Variants in MIDEAS observed in about 807,000 individuals in gnomAD.
MIDEAS encodes mitotic deacetylase associated SANT domain protein.
In MIDEAS, 26 loss-of-function variants were observed where a neutral mutation model predicts 102.7. The ratio of observed to expected loss-of-function variants is 0.25; its 90% confidence interval spans 0.19 to 0.35. MIDEAS has a LOEUF of 0.35. Ranked by LOEUF, MIDEAS falls within the 10% of genes least tolerant of loss-of-function variation. The pLI is 1.00. For synonymous variants in MIDEAS, 585 were observed against 591.0 expected (o/e 0.99, Z 0.15); for missense variants, 1,231 against 1,435.6 (o/e 0.86, Z 2.30).
Position 73,779,735 on chromosome 14 carries a change from G to A in MIDEAS, c.-248+7367C>T, listed in dbSNP as rs553414307. Among the ~76,000 whole-genome samples, 524 of 143,806 alleles carry A rather than the reference G, an allele frequency of 3.6e-3. 5 individuals are homozygous for A. The highest frequency in any genetic ancestry group is 0.013 in the African/African-American group (507 of 39,280). The allele number at this position is 143,806 out of a possible 152,430, so 94.3% of individuals were successfully genotyped here. On this transcript the variant is annotated intron_variant, in intron 1 of 11. Transcript: ENST00000394071. ...TGGGACTACAGGCGCCCGCCACCGC[G>A]CCCGGCTAATTTTTTGTATTTTTAG...
intron 2 of MIDEAS, among the ~76,000 whole-genome samples, chr14:73,737,756 T>C (rs1292861564): frequency 6.7e-6 from 1 of 148,882 alleles, no homozygotes; most frequent in Non-Finnish European, 1.5e-5. Context: ...TTTCCCTGAC[T>C]ACCTTTTCTC....
intron 1 of MIDEAS, among the ~76,000 whole-genome samples, chr14:73,744,974 C>T (rs192357780): frequency 2.6e-5 from 4 of 152,166 alleles, no homozygotes; most frequent in Non-Finnish European, 4.4e-5. Context: ...GCAGGCTCCA[C>T]GGGGCAGGGT....
At chr14:73,763,716 C>T (rs1447448538), upstream of MIDEAS, among the ~76,000 whole-genome samples, 4 of 152,060 alleles carry the variant, frequency 2.6e-5, no homozygotes, top group Non-Finnish European at 5.9e-5. Context: ...TTGTCGTTTC[C>T]CTCTAGAGAA....
intron 1 of MIDEAS, among the ~76,000 whole-genome samples, chr14:73,786,042 C>T (rs557400212): frequency 6.6e-6 from 1 of 152,320 alleles, no homozygotes; most frequent in East Asian, 1.9e-4. Context: ...TGTGCAATCA[C>T]GCTGTAATTA....
At chr14:73,721,973 C>T (rs2053001948) in intron 10 of MIDEAS, among the ~76,000 whole-genome samples, 1 of 152,198 alleles carries the variant, frequency 6.6e-6, no homozygotes, top group South Asian at 2.1e-4. Flanking sequence ...AAAAATGATG[C>T]TAGGTGGATA....
At position 73,722,762 on chromosome 14, in the gene MIDEAS, G is replaced by A; in HGVS notation, c.2660C>T (p.Thr887Ile). The A allele has an allele frequency of 6.2e-7, 1 of 1,614,148 alleles. No homozygotes were observed. Among genetic ancestry groups the A allele is most frequent in the Non-Finnish European group, 8.5e-7 (1 of 1,180,020 alleles). ...QVKIGRNGTLTFGDVDTSDEK... is the reference protein window; with the variant it reads ...QVKIGRNGTLIFGDVDTSDEK... Reference sequence around the variant, plus strand: ...ATCGCTCGTATCCACATCCCCAAAGGTTAGAGTCCCATTGCGGCCGATTTT... The same window carrying A: ...ATCGCTCGTATCCACATCCCCAAAGATTAGAGTCCCATTGCGGCCGATTTT... The change falls in exon 10 of 13, where the codon ACC becomes ATC. Residue 887 changes from threonine to isoleucine, a missense_variant. By Grantham distance (89) the Thr-to-Ile change is moderately conservative. Transcript: ENST00000423556.
chr14:73,722,910 C>T, intron 9 of MIDEAS, 63 bp from the exon 10 acceptor site: 1 of 1,575,660 alleles, frequency 6.3e-7, no homozygotes, highest in Non-Finnish European at 8.7e-7. Flanking sequence ...TGTGGAGAAT[C>T]CAGCCTTTCT....
chr14:73,768,316 G>A (rs766570265), intron 1 of MIDEAS, among the ~76,000 whole-genome samples: 2 of 152,116 alleles, frequency 1.3e-5, no homozygotes, highest in African/African-American at 2.4e-5. Context: ...AGGTCATACA[G>A]ATGGCATTTG....
rs1204793603 is a variant in MIDEAS at position 73,721,472 on chromosome 14, C to A, written c.2762G>T (p.Arg921Ile). Residue 921 changes from arginine to isoleucine, a missense_variant, in exon 11 of 13, where the codon AGA becomes ATA. By Grantham distance (97) the Arg-to-Ile change is moderately conservative. Transcript: ENST00000423556. ...QKFPRVPLPR[R>I]ESPSEERLEP... ...CAGCCTCTCTTCACTTGGGGACTCT[C>A]TTCTGGGAAGAGGCACCCTTGGGAA... The A allele has an allele frequency of 2.5e-6, 4 of 1,614,188 alleles. No homozygotes were observed. The South Asian group carries it at 3.3e-5, about 13-fold the overall frequency.
intron 1 of MIDEAS, among the ~76,000 whole-genome samples, chr14:73,781,054 T>C (rs2053752179): frequency 1.3e-5 from 2 of 152,106 alleles, no homozygotes; most frequent in Admixed American, 1.3e-4. Context: ...AAACTGACGA[T>C]TATGATGACT....
upstream of MIDEAS, among the ~76,000 whole-genome samples, chr14:73,788,588 T>G (rs775386578): frequency 5.3e-5 from 8 of 152,206 alleles, no homozygotes; most frequent in Non-Finnish European, 1.2e-4. Context: ...GTTCTGATTT[T>G]TACTAAGACA....
intron 1 of MIDEAS, among the ~76,000 whole-genome samples, chr14:73,744,702 G>A (rs1802769139): frequency 6.6e-6 from 1 of 151,546 alleles, no homozygotes; most frequent in Non-Finnish European, 1.5e-5. Flanking sequence ...CACCTCTCTC[G>A]ACAGTCTGTG....
intron 1 of MIDEAS, among the ~76,000 whole-genome samples, chr14:73,779,180 A>T (rs755406025): frequency 1.3e-5 from 2 of 151,862 alleles, no homozygotes; most frequent in African/African-American, 2.4e-5. Flanking sequence ...TGAGGTTAGG[A>T]GTTCGAGACC....
intron 2 of MIDEAS, 75 bp downstream of exon 2, chr14:73,738,485 A>G (rs1405268654): frequency 9.1e-6 from 13 of 1,425,204 alleles, no homozygotes; most frequent in Non-Finnish European, 1.2e-5. Context: ...CTAGGCAAGA[A>G]GCAAATCCTG....
intron 1 of MIDEAS, among the ~76,000 whole-genome samples, chr14:73,780,234 C>T (rs1178770399): frequency 1.3e-5 from 2 of 152,110 alleles, no homozygotes; most frequent in African/African-American, 4.8e-5. Context: ...CAGAAAACGC[C>T]ACTCCATCAA....
At chr14:73,719,233 T>TCCCCCCCC in intron 12 of MIDEAS, 72 bp downstream of exon 12, 2 of 555,432 alleles carry the variant, frequency 3.6e-6, no homozygotes, top group Non-Finnish European at 4.8e-6. Context: ...CCCCCTCCCC[T>TCCCCCCCC]CCACCCCACC....
At chr14:73,753,957 A>G (rs912702428) in intron 1 of MIDEAS, among the ~76,000 whole-genome samples, 4 of 152,124 alleles carry the variant, frequency 2.6e-5, no homozygotes, top group African/African-American at 9.7e-5. Context: ...CTCTAAGAAG[A>G]GCAATAAAGG....
At chr14:73,755,529 T>G (rs1338589773) in intron 1 of MIDEAS, among the ~76,000 whole-genome samples, 1 of 152,216 alleles carries the variant, frequency 6.6e-6, no homozygotes, top group African/African-American at 2.4e-5. Flanking sequence ...GGGACTTTTT[T>G]TCCTTGGCTG....
rs1473836856 is a variant in MIDEAS, at chr14:73,717,379, C to T, written c.*1464G>A. The T allele has an allele frequency of 1.3e-4, 20 of 152,222 alleles. No homozygotes were observed. The highest frequency in any genetic ancestry group is 1.3e-3 in the Admixed American group (20 of 15,284). The allele number at this position is 152,222 out of a possible 1,614,324, so 9.4% of individuals were successfully genotyped here. ...TTCACTTCACCCATGCCAAATATGG[C>T]TTCTTCAAGCCAGAATCCAGGCCCC... On this transcript the variant is annotated 3_prime_UTR_variant, in exon 13 of 13. Coordinates refer to ENST00000423556, the MANE Select transcript of MIDEAS (RefSeq NM_001367710.1).
Sources: allele counts gnomAD v4.1 joint callset (sites outside exome capture counted in the v4.1 genomes callset), GRCh38; gene constraint gnomAD v4.1.1; transcripts MANE v1.5; gene names NCBI Gene and HGNC (gene_info 2026-07-23, HGNC 2026-07-21).